Variants in FAM20B observed in about 807,000 individuals in gnomAD.
FAM20B encodes glycosaminoglycan xylosylkinase.
Under a neutral mutation model 43.8 loss-of-function variants are expected in FAM20B, and 23 were observed. The ratio of observed to expected loss-of-function variants is 0.53; its 90% CI spans 0.38 to 0.74. The LOEUF (loss-of-function observed/expected upper bound fraction) is 0.74, where lower values mean the gene tolerates loss of function less well. Ranked by LOEUF, FAM20B falls within the 30% of genes least tolerant of loss-of-function variation. The probability of loss-of-function intolerance (pLI) is 0.00; values close to 1 mark genes in which losing one functional copy is unlikely to be tolerated. For synonymous variants in FAM20B, 178 were observed against 192.4 expected (o/e 0.93, Z 0.62); for missense variants, 440 against 510.5 (o/e 0.86, Z 1.33).
At chr1:179,040,504 C>A (rs1314692858) in intron 1 of FAM20B, among the ~76,000 whole-genome samples, 1 of 145,296 alleles carries the variant, frequency 6.9e-6, no homozygotes, top group Non-Finnish European at 1.5e-5. Flanking sequence ...CCCCCCACCT[C>A]CCTCCCGGAC....
chr1:179,039,066 C>T (rs1414176297), intron 1 of FAM20B, among the ~76,000 whole-genome samples: 1 of 152,154 alleles, frequency 6.6e-6, no homozygotes, highest in Non-Finnish European at 1.5e-5. Flanking sequence ...GTGTCTTAGC[C>T]TGAATCATTT....
upstream of FAM20B, chr1:179,025,670 C>T (rs376867292): frequency 1.0e-3 from 157 of 152,462 alleles, no homozygotes; most frequent in Non-Finnish European, 1.7e-3. Flanking sequence ...TTTATGTAAG[C>T]GGGCAGGGCG....
chr1:179,071,120 C>A (rs1237548606), intron 7 of FAM20B, among the ~76,000 whole-genome samples: 1 of 151,680 alleles, frequency 6.6e-6, no homozygotes, highest in Non-Finnish European at 1.5e-5. Flanking sequence ...CGGTGAAAAC[C>A]CGTCTCTACT....
Position 179,043,851 on chromosome 1 carries a change from A to T in FAM20B, c.4A>T (p.Lys2Ter). M[K>*]LKQRVVLLAI... ...GGGAGAAGGAAAAGAGGTCAACATG[A>T]AGCTAAAGCAGCGAGTCGTGCTGTT... The change falls in exon 2 of 8, where the codon AAG becomes TAG. Residue 2 changes from lysine (K) to a stop codon, truncating the protein, a stop_gained. Coordinates refer to ENST00000263733, the MANE Select transcript of FAM20B (RefSeq NM_014864.4). LOFTEE classifies it high-confidence loss of function. 6.3e-7 allele frequency: 1 copy of T among 1,589,904 alleles called. No individual in the cohort carries two copies. The highest frequency in any genetic ancestry group is 8.6e-7 in the Non-Finnish European group (1 of 1,163,198).
Position 179,074,664 on chromosome 1 carries a change from G to C in FAM20B, c.*2520G>C, listed in dbSNP as rs921350629. The C allele has an allele frequency of 6.6e-6, 1 of 152,138 alleles. No homozygotes were observed. Among genetic ancestry groups the C allele is most frequent in the African/African-American group, 2.4e-5 (1 of 41,430 alleles). The allele number at this position is 152,138 out of a possible 1,614,324, so 9.4% of individuals were successfully genotyped here. ...GTTTTCAAACTCGTGATCTTAAAAG[G>C]CATTCTGATGATAAATTTAGAATTT... On this transcript the variant is annotated 3_prime_UTR_variant, in exon 8 of 8. Coordinates refer to ENST00000263733, the MANE Select transcript of FAM20B (RefSeq NM_014864.4).
At chr1:179,031,657 A>G (rs1191497808) in intron 1 of FAM20B, among the ~76,000 whole-genome samples, 4 of 152,250 alleles carry the variant, frequency 2.6e-5, no homozygotes, top group African/African-American at 9.6e-5. Context: ...TACAGATGTA[A>G]ATAAATGTTT....
chr1:179,030,401 C>T (rs893138249), intron 1 of FAM20B, among the ~76,000 whole-genome samples: 1 of 152,208 alleles, frequency 6.6e-6, no homozygotes, highest in South Asian at 2.1e-4. Flanking sequence ...TCAGCCCTGT[C>T]TTGTATCATC....
At chr1:179,019,827 G>A in the FAM20B span, among the ~76,000 whole-genome samples, 14 of 152,214 alleles carry the variant, frequency 9.2e-5, no homozygotes, top group East Asian at 3.9e-4. Context: ...CTTTCAAAGC[G>A]TTGCTAACAT....
At chr1:179,027,540 G>A (rs979531762) in intron 1 of FAM20B, among the ~76,000 whole-genome samples, 1 of 152,108 alleles carries the variant, frequency 6.6e-6, no homozygotes, top group Non-Finnish European at 1.5e-5. Context: ...TTGGCCTCTC[G>A]AACCGTACAA....
chr1:179,049,945 TG>T (rs1346589875), intron 2 of FAM20B, among the ~76,000 whole-genome samples: 1 of 152,240 alleles, frequency 6.6e-6, no homozygotes, highest in African/African-American at 2.4e-5. Context: ...AACACTGTGC[TG>T]GCAATACAAA....
chr1:179,031,630 A>G (rs1395033048), intron 1 of FAM20B, among the ~76,000 whole-genome samples: 1 of 152,224 alleles, frequency 6.6e-6, no homozygotes, highest in Admixed American at 6.5e-5. Flanking sequence ...AGAATTTCAT[A>G]TAAGTGATTC....
In FAM20B at chr1:179,040,347, C is replaced by T. The variant is rs544609662; in HGVS notation, c.-133-3368C>T. The stretch of plus-strand genomic sequence containing the variant: ...CCCCTCACCTCCTGGACGGGGTGGC[C>T]GGCCGGGCGGGGGGCCAACCCCCCC... On this transcript the variant is annotated intron_variant, in intron 1 of 7. Transcript: ENST00000263733. Among the ~76,000 whole-genome samples, 690 of 139,368 alleles carry T rather than the reference C, an allele frequency of 5.0e-3. 4 individuals carry two copies. The highest frequency in any genetic ancestry group is 4.8e-3 in the Non-Finnish European group (302 of 63,094). 91.4% of individuals were successfully genotyped at this position (139,368 alleles called of 152,430 possible).
chr1:179,065,116 C>T (rs1651634564), intron 6 of FAM20B, among the ~76,000 whole-genome samples: 1 of 151,164 alleles, frequency 6.6e-6, no homozygotes, highest in Non-Finnish European at 1.5e-5. Flanking sequence ...TCATATTCTG[C>T]ATTCTCTGTG....
chr1:179,063,840 T>G, intron 4 of FAM20B, 87 bp from the exon 5 acceptor site: 1 of 866,326 alleles, frequency 1.2e-6, no homozygotes, highest in Non-Finnish European at 1.8e-6. Context: ...GCTTATTTAC[T>G]TAGCTACTCT....
Position 179,064,451 on chromosome 1 carries a change from A to G in FAM20B, c.893A>G (p.Asp298Gly). The G allele has an allele frequency of 6.2e-7, 1 of 1,614,162 alleles. No individual in the cohort carries two copies. Among genetic ancestry groups the G allele is most frequent in the Non-Finnish European group, 8.5e-7 (1 of 1,180,004 alleles). The part of the protein sequence containing the change: ...ADRHHYESFQ[D>G]DEGASMLILL... ...CGCCATCACTATGAGAGCTTTCAAG[A>G]TGATGAAGGCGCTAGTATGCTCATC... Residue 298 changes from aspartate to glycine, a missense_variant, in exon 6 of 8, where the codon GAT (aspartate) becomes GGT (glycine). By Grantham distance (94) the Asp-to-Gly change is moderately conservative (BLOSUM62 -1). Coordinates refer to ENST00000263733, the MANE Select transcript of FAM20B (RefSeq NM_014864.4).
chr1:179,040,110 GAA>G (rs1172031608), intron 1 of FAM20B, among the ~76,000 whole-genome samples: 1 of 148,536 alleles, frequency 6.7e-6, no homozygotes, highest in African/African-American at 2.5e-5. Context: ...AGAACAAAAT[GAA>G]AAGTCTCCCA....
chr1:179,024,107 C>T (rs148817785), upstream of FAM20B, among the ~76,000 whole-genome samples: 75 of 152,232 alleles, frequency 4.9e-4, no homozygotes, highest in Non-Finnish European at 9.6e-4. Flanking sequence ...AGGCCCTGAA[C>T]CCATAGCTCT....
chr1:179,056,975 T>G (rs1215105991), intron 4 of FAM20B, among the ~76,000 whole-genome samples: 1 of 152,214 alleles, frequency 6.6e-6, no homozygotes. Context: ...TTAGGTTGGT[T>G]GTTTTCTTAC....
intron 1 of FAM20B, among the ~76,000 whole-genome samples, chr1:179,042,580 G>T (rs1241655186): frequency 6.6e-6 from 1 of 152,170 alleles, no homozygotes; most frequent in African/African-American, 2.4e-5. Context: ...CAGGGGGTGT[G>T]TTTCAGCCCT....
Sources: gnomAD v4.1 joint callset for allele counts (sites outside exome capture counted in the v4.1 genomes callset) on GRCh38, gnomAD v4.1.1 for gene constraint, MANE v1.5 for transcripts, NCBI Gene and HGNC (gene_info 2026-07-23, HGNC 2026-07-21) for gene names.